The following HSD17B12 variants were observed in gnomAD, a reference collection of about 807,000 sequenced individuals.
The protein encoded by HSD17B12 is very-long-chain 3-oxoacyl-CoA reductase.
In HSD17B12, 32 loss-of-function variants were observed where a neutral mutation model predicts 39.3. The observed-to-expected ratio is 0.81, with a 90% CI of 0.61 to 1.09. The LOEUF (loss-of-function observed/expected upper bound fraction) is 1.09, where lower values mean the gene tolerates loss of function less well. Among genes scored for constraint, HSD17B12 ranks in the 50% least tolerant of loss-of-function variants. HSD17B12 has a pLI of 0.00. For missense variants in HSD17B12, 342 were observed against 382.9 expected (o/e 0.89, Z 0.89); for synonymous variants, 150 against 146.7 (o/e 1.02, Z -0.16).
At chr11:43,649,507 A>G in the HSD17B12 span, among the ~76,000 whole-genome samples, 1 of 152,210 alleles carries the variant, frequency 6.6e-6, no homozygotes, top group Non-Finnish European at 1.5e-5. Context: ...GGTATGTACT[A>G]TAGTTTTATA....
rs144085345 is a variant in HSD17B12, at chr11:43,787,489, C to T, written c.284-10831C>T. Among the ~76,000 whole-genome samples, 622 of 152,102 alleles carry T rather than the reference C, an allele frequency of 4.1e-3. 6 individuals are homozygous for T. In the East Asian group the frequency reaches 0.043, roughly 11 times the overall value. On this transcript the variant is annotated intron_variant, in intron 3 of 10. Transcript: ENST00000278353. ...CGGTGGCTGACACCTATAATCCCAA[C>T]ACTGTGGGAGGCCGAAGCGGGTAGA...
chr11:43,728,510 C>T (rs1267077569), intron 1 of HSD17B12, among the ~76,000 whole-genome samples: 1 of 151,946 alleles, frequency 6.6e-6, no homozygotes, highest in Non-Finnish European at 1.5e-5. Flanking sequence ...ATTTATATTC[C>T]TCTACCTAGA....
intron 1 of HSD17B12, among the ~76,000 whole-genome samples, chr11:43,742,126 TATATA>T (rs1186117966): frequency 2.6e-5 from 3 of 113,518 alleles, no homozygotes; most frequent in African/African-American, 9.8e-5. Context: ...TATATATATA[TATATA>T]TATATATATT....
At chr11:43,656,347 A>G in the HSD17B12 span, among the ~76,000 whole-genome samples, 1 of 152,118 alleles carries the variant, frequency 6.6e-6, no homozygotes, top group East Asian at 1.9e-4. Context: ...TTTTCAAAAA[A>G]CCAGCCCCTG....
Position 43,750,703 on chromosome 11 carries a change from A to G in HSD17B12, c.161-208A>G, listed in dbSNP as rs181031812. ...ATGTGTGAGAGTCTAGTTGCTCCAC[A>G]TTCTTTTTAACACTTGGTTTTGAAG... On this transcript the variant is annotated intron_variant, in intron 1 of 10. Coordinates refer to ENST00000278353, the MANE Select transcript of HSD17B12 (RefSeq NM_016142.3). Among the ~76,000 whole-genome samples the G allele has an allele frequency of 1.6e-3, 244 of 152,330 alleles. 1 individual carries two copies. Among genetic ancestry groups the G allele is most frequent in the African/African-American group, 5.6e-3 (234 of 41,586 alleles).
At chr11:43,609,289 TG>T in the HSD17B12 span, among the ~76,000 whole-genome samples, 3 of 150,102 alleles carry the variant, frequency 2.0e-5, no homozygotes, top group African/African-American at 7.3e-5. Flanking sequence ...AGGTAAACTA[TG>T]ATGAATATAA....
At chr11:43,581,330 G>T in the HSD17B12 span, 1 of 472,708 alleles carries the variant, frequency 2.1e-6, no homozygotes, top group Non-Finnish European at 4.4e-6. The surrounding 1 kb of genome is among the most constrained non-coding windows in gnomAD (Gnocchi z 4.9). Flanking sequence ...CAGCCTGTTC[G>T]GCTCCAGGGT....
chr11:43,636,787 C>A, the HSD17B12 span, among the ~76,000 whole-genome samples: 1 of 152,002 alleles, frequency 6.6e-6, no homozygotes, highest in Non-Finnish European at 1.5e-5. Flanking sequence ...TTTTTTCAAC[C>A]TACATCATGC....
the HSD17B12 span, chr11:43,559,754 G>A: frequency 3.2e-5 from 5 of 155,980 alleles, no homozygotes; most frequent in Middle Eastern, 5.2e-4. Context: ...GCCCCTTCAC[G>A]CGACGTTGGA....
intron 4 of HSD17B12, among the ~76,000 whole-genome samples, chr11:43,813,303 A>G (rs1002448266): frequency 6.6e-6 from 1 of 152,182 alleles, no homozygotes; most frequent in Non-Finnish European, 1.5e-5. Flanking sequence ...AAAAAATGAA[A>G]TCTGGATTTT....
chr11:43,613,174 C>T, the HSD17B12 span, among the ~76,000 whole-genome samples: 8 of 151,994 alleles, frequency 5.3e-5, no homozygotes, highest in Non-Finnish European at 7.4e-5. Flanking sequence ...GAGGCCAAGG[C>T]GGGCAAATCA....
chr11:43,577,262 G>A, the HSD17B12 span, among the ~76,000 whole-genome samples: 1 of 152,218 alleles, frequency 6.6e-6, no homozygotes, highest in Non-Finnish European at 1.5e-5. Flanking sequence ...CCTGGATGCA[G>A]GAGAGGGATA....
chr11:43,847,811 T>C (rs1951492411), intron 9 of HSD17B12, among the ~76,000 whole-genome samples: 1 of 152,076 alleles, frequency 6.6e-6, no homozygotes, highest in African/African-American at 2.4e-5. Flanking sequence ...GGTGGTTTTG[T>C]TAGTTCAGGT....
At chr11:43,771,501 C>T (rs1416272955) in intron 3 of HSD17B12, among the ~76,000 whole-genome samples, 1 of 122,518 alleles carries the variant, frequency 8.2e-6, no homozygotes, top group African/African-American at 3.1e-5. Flanking sequence ...GAGTATCGCT[C>T]TGTCACCTAG....
chr11:43,824,631 A>ATCATTTCTCAAAGGCCCCACCCTCC (rs1951214988), intron 6 of HSD17B12, among the ~76,000 whole-genome samples: 1 of 152,160 alleles, frequency 6.6e-6, no homozygotes, highest in South Asian at 2.1e-4. Flanking sequence ...TCATGATGTA[A>ATCATTTCTCAAAGGCCCCACCCTCC]TCATTTCTCA....
At chr11:43,561,205 A>G in the HSD17B12 span, among the ~76,000 whole-genome samples, 1 of 152,162 alleles carries the variant, frequency 6.6e-6, no homozygotes, top group African/African-American at 2.4e-5. Flanking sequence ...GTAATAAAAT[A>G]TATTTGGTTT....
chr11:43,584,400 C>G, the HSD17B12 span, among the ~76,000 whole-genome samples: 1,132 of 152,322 alleles, frequency 7.4e-3, 17 homozygotes, highest in African/African-American at 0.026. Context: ...GAATCAGCAT[C>G]CATGCCTTGG....
intron 9 of HSD17B12, among the ~76,000 whole-genome samples, chr11:43,847,104 T>A (rs1244844786): frequency 6.6e-6 from 1 of 152,168 alleles, no homozygotes; most frequent in African/African-American, 2.4e-5. Context: ...AATGTACTGA[T>A]CTTGGTGTGA....
At chr11:43,694,681 C>T (rs1034761757) in intron 1 of HSD17B12, among the ~76,000 whole-genome samples, 1 of 151,972 alleles carries the variant, frequency 6.6e-6, no homozygotes, top group Non-Finnish European at 1.5e-5. Context: ...GAGCATGACC[C>T]TGTCTCAAAA....
Sources: gnomAD v4.1 joint callset for allele counts (sites outside exome capture counted in the v4.1 genomes callset) on GRCh38, gnomAD v4.1.1 for gene constraint, Gnocchi (gnomAD v3.1) non-coding constraint, MANE v1.5 for transcripts, NCBI Gene and HGNC (gene_info 2026-07-23, HGNC 2026-07-21) for gene names.